IREB2: variants seen among roughly 807,000 people sequenced by gnomAD.
The protein encoded by IREB2 is iron responsive element binding protein 2, also known as iron-responsive element-binding protein 2.
Under a neutral mutation model 118.8 loss-of-function variants are expected in IREB2, and 39 were observed. The ratio of observed to expected loss-of-function variants is 0.33; its 90% confidence interval spans 0.25 to 0.43. The LOEUF is 0.43. Among genes scored for constraint, IREB2 ranks in the 20% least tolerant of loss-of-function variants. The probability of loss-of-function intolerance (pLI) is 1.00; values close to 1 mark genes in which losing one functional copy is unlikely to be tolerated. For synonymous variants in IREB2, 372 were observed against 392.2 expected, an observed-to-expected ratio of 0.95 and a Z score of 0.61; for missense variants, 900 against 1,147.3, an observed-to-expected ratio of 0.78 and a Z score of 3.11.
chr15:78,466,020 A>G (rs947223840), intron 4 of IREB2, among the ~76,000 whole-genome samples: 1 of 152,212 alleles, frequency 6.6e-6, no homozygotes, highest in African/African-American at 2.4e-5. Context: ...TTAAATTAGT[A>G]GAGTATTTGA....
intron 3 of IREB2, 75 bp from the exon 4 acceptor site, chr15:78,465,176 T>C (rs2051260072): frequency 3.3e-6 from 4 of 1,203,580 alleles, no homozygotes; most frequent in East Asian, 2.5e-5. Flanking sequence ...AATATGAAAA[T>C]GAAAAAGTTT....
At chr15:78,438,386 G>C (rs1168568322) in intron 1 of IREB2, 30 bp downstream of exon 1, 34 of 1,592,042 alleles carry the variant, frequency 2.1e-5, no homozygotes, top group Admixed American at 1.1e-4. Context: ...GCTGGGTCTG[G>C]CAGTTGGAAA....
At chr15:78,443,096 G>C (rs72738718) in intron 2 of IREB2, among the ~76,000 whole-genome samples, 44,427 of 151,880 alleles carry the variant, frequency 0.29, 6,859 homozygotes, top group Middle Eastern at 0.4. Flanking sequence ...TGTACTGTTT[G>C]GTATATATTT....
chr15:78,463,893 TAA>T (rs1226766239), intron 3 of IREB2, among the ~76,000 whole-genome samples: 1 of 152,200 alleles, frequency 6.6e-6, no homozygotes, highest in East Asian at 1.9e-4. Flanking sequence ...TATTTCTTTC[TAA>T]GTCTTTTCTG....
At chr15:78,454,613 C>T (rs61157079) in intron 2 of IREB2, among the ~76,000 whole-genome samples, 6,470 of 152,124 alleles carry the variant, frequency 0.043, 449 homozygotes, top group African/African-American at 0.14. Context: ...GGTAAACTTA[C>T]GTTACAAAAA....
At position 78,457,437 on chromosome 15, in the gene IREB2, A is replaced by T. The variant is rs77231847; in HGVS notation, c.107-5485A>T. On this transcript the variant is annotated intron_variant, in intron 2 of 21. Transcript: ENST00000258886. ...TCCTCTACTAGATTCCTAAGAAAGG[A>T]TGCCTGAGAAATACATTTTTGAGAC... Among the ~76,000 whole-genome samples the T allele has an allele frequency of 3.9e-3, 593 of 152,278 alleles. 23 individuals carry two copies. In the East Asian group the frequency reaches 0.095, roughly 24 times the overall value.
At chr15:78,462,054 TTGA>T (rs1485585383) in intron 2 of IREB2, among the ~76,000 whole-genome samples, 2 of 152,164 alleles carry the variant, frequency 1.3e-5, no homozygotes, top group African/African-American at 2.4e-5. Flanking sequence ...TAATACACAT[TTGA>T]TGATCTTATG....
intron 3 of IREB2, among the ~76,000 whole-genome samples, chr15:78,464,791 C>T (rs2051253779): frequency 6.6e-6 from 1 of 152,140 alleles, no homozygotes; most frequent in Non-Finnish European, 1.5e-5. Flanking sequence ...TGGCCTTGTA[C>T]CATTGGTGTC....
intron 2 of IREB2, among the ~76,000 whole-genome samples, chr15:78,449,065 G>T (rs1595985928): frequency 6.6e-6 from 1 of 152,126 alleles, no homozygotes. Flanking sequence ...TACAGATAAG[G>T]TTAAAAATCT....
rs1286584419 is a variant in IREB2 at position 78,483,410 on chromosome 15, T to C, written c.1389T>C (p.Asp463=). 1.9e-6 allele frequency: 3 copies of C among 1,597,116 alleles called. No individual in the cohort carries two copies. In the Admixed American group the frequency reaches 5.0e-5, roughly 27 times the overall value. Residue 463 remains aspartate, a synonymous_variant, in exon 11 of 22, where the codon GAT becomes GAC. Transcript: ENST00000258886. ...DRVAVTDMKS[D]FQACLNEKVG... ...TTGCTGTGACAGATATGAAAAGCGA[T>C]TTCCAGGCTTGCTTAAATGAAAAGG...
intron 16 of IREB2, among the ~76,000 whole-genome samples, chr15:78,489,651 G>A (rs1186751233): frequency 6.6e-6 from 1 of 151,984 alleles, no homozygotes; most frequent in African/African-American, 2.4e-5. Flanking sequence ...AGTAGCTGGG[G>A]CCACAGGCGC....
At chr15:78,439,189 G>A (rs780343713) in intron 1 of IREB2, among the ~76,000 whole-genome samples, 4 of 152,180 alleles carry the variant, frequency 2.6e-5, no homozygotes, top group Non-Finnish European at 5.9e-5. Flanking sequence ...CAGAAGACTT[G>A]TCTCTTTCGG....
chr15:78,470,504 G>A (rs569632403), intron 5 of IREB2, 28 bp from the exon 6 acceptor site: 58 of 1,508,410 alleles, frequency 3.8e-5, no homozygotes, highest in South Asian at 2.2e-4. Context: ...TAATACATAC[G>A]TTTAATGCCA....
chr15:78,445,521 A>G (rs933721007), intron 2 of IREB2, among the ~76,000 whole-genome samples: 9 of 152,376 alleles, frequency 5.9e-5, no homozygotes, highest in African/African-American at 1.9e-4. Flanking sequence ...ACATCCAAAG[A>G]CAAAGGAAGA....
At chr15:78,463,647 A>C (rs1316443503) in intron 3 of IREB2, among the ~76,000 whole-genome samples, 1 of 152,146 alleles carries the variant, frequency 6.6e-6, no homozygotes, top group African/African-American at 2.4e-5. Context: ...CCTTCTTATG[A>C]TCTCTCAATA....
intron 2 of IREB2, among the ~76,000 whole-genome samples, 182 bp from the exon 3 acceptor site, chr15:78,462,739 GT>G (rs1251043954): frequency 1.3e-5 from 2 of 152,130 alleles, no homozygotes; most frequent in African/African-American, 4.8e-5. Context: ...AGGAAAGTCA[GT>G]TACAAAACAC....
rs548651810 is a variant in IREB2, at chr15:78,438,458, C to T, written c.19+102C>T. 4.4e-6 allele frequency: 6 copies of T among 1,359,630 alleles called. No individual in the cohort carries two copies. In the South Asian group the frequency reaches 7.5e-5, roughly 17 times the overall value. 84.2% of individuals were successfully genotyped at this position (1,359,630 alleles called of 1,614,324 possible). A position where few individuals can be genotyped will look rare whatever the true frequency, so the allele number is the denominator to read the frequency against. On this transcript the variant is annotated intron_variant, in intron 1 of 21. Coordinates refer to ENST00000258886, the MANE Select transcript of IREB2 (RefSeq NM_004136.4). The stretch of plus-strand genomic sequence containing the variant: ...CGCCTGGAGTCGCTCGGCAGGCGCC[C>T]AGGCCCTCGGGGCTCGGGTTGTGCT...
rs1387863648 is a variant in IREB2 at position 78,501,436 on chromosome 15, GA to G, written c.*3297del. 6.6e-6 allele frequency: 1 copy of G among 152,496 alleles called. No individual in the cohort carries two copies. The highest frequency in any genetic ancestry group is 1.5e-5 in the Non-Finnish European group (1 of 67,994). The allele number at this position is 152,496 out of a possible 1,614,324, so 9.4% of individuals were successfully genotyped here. A position where few individuals can be genotyped will look rare whatever the true frequency, so the allele number is the denominator to read the frequency against. On this transcript the variant is annotated 3_prime_UTR_variant, in exon 22 of 22. Coordinates refer to ENST00000258886, the MANE Select transcript of IREB2 (RefSeq NM_004136.4). ...GATGCTGTAAATTATTTTTAATAAA[GA>G]AAATTGTATTATCACATTTGATTCT... is the stretch of plus-strand genomic sequence containing the variant.
At position 78,465,004 on chromosome 15, in the gene IREB2, C is replaced by G. The variant is rs139554516; in HGVS notation, c.273-247C>G. The stretch of plus-strand genomic sequence containing the variant: ...TTTCACAGGCATTTTCCCTGAAGTT[C>G]GCTTATGCCTCAAAAATTATCTCTT... On this transcript the variant is annotated intron_variant, in intron 3 of 21. Transcript: ENST00000258886. Among the ~76,000 whole-genome samples the G allele has an allele frequency of 2.6e-4, 39 of 152,224 alleles. No homozygotes were observed. The East Asian group carries it at 6.0e-3, about 23-fold the overall frequency.
Sources: allele counts gnomAD v4.1 joint callset (sites outside exome capture counted in the v4.1 genomes callset), GRCh38; gene constraint gnomAD v4.1.1; transcripts MANE v1.5; gene names NCBI Gene and HGNC (gene_info 2026-07-23, HGNC 2026-07-21).